GRIN2B: variants seen among roughly 807,000 people sequenced by gnomAD.
GRIN2B encodes the protein glutamate receptor ionotropic, NMDA 2B.
Under a neutral mutation model 114.5 loss-of-function variants are expected in GRIN2B, and 5 were observed. The ratio of observed to expected loss-of-function variants is 0.04; its 90% CI spans 0.02 to 0.09. The LOEUF (loss-of-function observed/expected upper bound fraction) is 0.09, where lower values mean the gene tolerates loss of function less well. Among genes scored for constraint, GRIN2B ranks in the 10% least tolerant of loss-of-function variants. The pLI is 1.00. For missense variants in GRIN2B, 1,108 were observed against 1,943.5 expected, an observed-to-expected ratio of 0.57 and a Z score of 8.08; for synonymous variants, 787 against 745.1, an observed-to-expected ratio of 1.06 and a Z score of -0.92.
intron 2 of GRIN2B, among the ~76,000 whole-genome samples, chr12:13,978,405 T>C (rs1863067607): frequency 1.3e-5 from 2 of 152,130 alleles, no homozygotes; most frequent in Admixed American, 6.5e-5. Flanking sequence ...CAAAGTAGCA[T>C]TTCAGCAGTA....
chr12:13,689,494 A>T (rs1032014645), intron 4 of GRIN2B, among the ~76,000 whole-genome samples: 5 of 151,880 alleles, frequency 3.3e-5, no homozygotes, highest in African/African-American at 1.2e-4. Flanking sequence ...TGATTCTTAC[A>T]TTTGTCCCTT....
rs995474855 is a variant in GRIN2B, at chr12:13,884,370, A to G, written c.-18-18144T>C. Among the ~76,000 whole-genome samples the G allele has an allele frequency of 6.4e-4, 97 of 152,256 alleles. 2 individuals carry two copies. Among genetic ancestry groups the G allele is most frequent in the African/African-American group, 2.3e-3 (95 of 41,566 alleles). ...CAGATATTTTATAAAATTTATACCT[A>G]AGAATATCATGTTTTTGATGTTACT... On this transcript the variant is annotated intron_variant, in intron 2 of 13. Transcript: ENST00000609686.
chr12:13,767,355 A>G (rs73053653), intron 3 of GRIN2B, among the ~76,000 whole-genome samples: 16,807 of 152,074 alleles, frequency 0.11, 1,119 homozygotes, highest in Non-Finnish European at 0.15. Context: ...AAAGACGTAG[A>G]TGACTACCTA....
intron 5 of GRIN2B, among the ~76,000 whole-genome samples, chr12:13,630,318 G>A (rs1949606046): frequency 6.6e-6 from 1 of 152,126 alleles, no homozygotes; most frequent in African/African-American, 2.4e-5. Context: ...AGTCTTATAA[G>A]GTAGATATTA....
chr12:13,754,117 C>A (rs986577473), intron 3 of GRIN2B, among the ~76,000 whole-genome samples: 7 of 152,154 alleles, frequency 4.6e-5, no homozygotes, highest in Non-Finnish European at 7.3e-5. Context: ...CTAAAATTGT[C>A]TCCTAGACTT....
At chr12:13,914,863 T>C (rs539038232) in intron 2 of GRIN2B, among the ~76,000 whole-genome samples, 24 of 152,250 alleles carry the variant, frequency 1.6e-4, no homozygotes, top group Admixed American at 1.5e-3. Flanking sequence ...ATATGAGAGA[T>C]AAAAGAGTAA....
intron 2 of GRIN2B, among the ~76,000 whole-genome samples, chr12:13,877,503 C>T (rs1489474904): frequency 2.6e-5 from 4 of 152,306 alleles, no homozygotes; most frequent in Middle Eastern, 6.8e-3. Flanking sequence ...AGCACCTATT[C>T]GAAGCATTTA....
At chr12:13,688,645 G>A (rs1950190146) in intron 4 of GRIN2B, among the ~76,000 whole-genome samples, 1 of 152,186 alleles carries the variant, frequency 6.6e-6, no homozygotes, top group African/African-American at 2.4e-5. Flanking sequence ...AGTTATGAAA[G>A]TCTAAGACTG....
intron 3 of GRIN2B, among the ~76,000 whole-genome samples, chr12:13,806,452 A>C (rs1225027028): frequency 6.6e-6 from 1 of 152,054 alleles, no homozygotes; most frequent in Non-Finnish European, 1.5e-5. Flanking sequence ...TGTGATTCTG[A>C]TTTGCATTTC....
rs561927859 is a variant in GRIN2B at position 13,652,121 on chromosome 12, G to T, written c.1125+23624C>A. The stretch of plus-strand genomic sequence containing the variant: ...CTTTTCACCTCCTTGCACTACACAT[G>T]GTTTCTGCTTTGTCTAGAGGGGCCA... On this transcript the variant is annotated intron_variant, in intron 5 of 13. Transcript: ENST00000609686. Among the ~76,000 whole-genome samples the T allele has an allele frequency of 4.6e-5, 7 of 151,818 alleles. No homozygotes were observed. The East Asian group carries it at 1.4e-3, about 30-fold the overall frequency.
intron 2 of GRIN2B, among the ~76,000 whole-genome samples, chr12:13,894,579 C>CT (rs901737873): frequency 1.3e-5 from 2 of 152,040 alleles, no homozygotes; most frequent in South Asian, 4.2e-4. Context: ...ATTCGAGTGA[C>CT]TTTTTTTTCT....
intron 5 of GRIN2B, among the ~76,000 whole-genome samples, chr12:13,657,369 A>G (rs963700244): frequency 1.3e-5 from 2 of 152,176 alleles, no homozygotes; most frequent in Non-Finnish European, 2.9e-5. Context: ...CTCATCTATT[A>G]TTAAGCATGT....
At chr12:13,795,068 G>T (rs1384490218) in intron 3 of GRIN2B, among the ~76,000 whole-genome samples, 1 of 152,182 alleles carries the variant, frequency 6.6e-6, no homozygotes, top group South Asian at 2.1e-4. Context: ...GCCCAGCTCT[G>T]CTCACTCATG....
In GRIN2B at chr12:13,564,233, C is replaced by A. The variant is rs773762599; in HGVS notation, c.3005G>T (p.Gly1002Val). ...HSIGSASSID[G>V]LYDCDNPPFT... ...GGGTGGGTTGTCACAGTCGTAGAGC[C>A]CATCGATGGAGCTGGCACTGCCAAT... Residue 1002 changes from glycine (G) to valine (V), a missense_variant, in exon 14 of 14, where the codon GGG becomes GTG. Around this residue, in one of 19 missense-constraint regions of GRIN2B, gnomAD observed 140 missense variants for 187.5 expected, o/e 0.75. Coordinates refer to ENST00000609686, the MANE Select transcript of GRIN2B (RefSeq NM_000834.5). The surrounding 1 kb of genome is among the most constrained non-coding windows in gnomAD (Gnocchi z 4.8). 6.2e-7 allele frequency: 1 copy of A among 1,614,122 alleles called. No individual in the cohort carries two copies. The highest frequency in any genetic ancestry group is 1.7e-5 in the Admixed American group (1 of 60,018).
intron 12 of GRIN2B, among the ~76,000 whole-genome samples, chr12:13,568,551 C>T (rs372506879): frequency 6.6e-6 from 1 of 152,180 alleles, no homozygotes; most frequent in African/African-American, 2.4e-5. Context: ...TCACTTTTCC[C>T]TTATTTTTTT....
At chr12:13,750,928 G>A (rs1363274562) in intron 4 of GRIN2B, among the ~76,000 whole-genome samples, 1 of 152,164 alleles carries the variant, frequency 6.6e-6, no homozygotes, top group Non-Finnish European at 1.5e-5. Context: ...AAGATGTAGT[G>A]AAGGCAAATA....
At chr12:13,684,393 C>T (rs981456949) in intron 4 of GRIN2B, among the ~76,000 whole-genome samples, 1 of 152,132 alleles carries the variant, frequency 6.6e-6, no homozygotes, top group African/African-American at 2.4e-5. Context: ...CCTTTTGATG[C>T]CAATTAATCA....
intron 4 of GRIN2B, among the ~76,000 whole-genome samples, chr12:13,730,672 C>T (rs978683369): frequency 6.6e-6 from 1 of 152,046 alleles, no homozygotes. Context: ...TCCTACACCT[C>T]GTAATAGGGG....
chr12:13,659,041 C>T, intron 5 of GRIN2B, among the ~76,000 whole-genome samples: 1 of 152,142 alleles, frequency 6.6e-6, no homozygotes, highest in East Asian at 1.9e-4. Context: ...TCGTTAGAAA[C>T]TCATCTTCTC....
Sources: allele counts gnomAD v4.1 joint callset (sites outside exome capture counted in the v4.1 genomes callset), GRCh38; gene constraint gnomAD v4.1.1; regional missense constraint gnomAD v4.1.1; non-coding constraint Gnocchi (gnomAD v3.1); transcripts MANE v1.5; gene names NCBI Gene and HGNC (gene_info 2026-07-23, HGNC 2026-07-21).